The following DPP6 variants were observed in gnomAD, a reference collection of about 807,000 sequenced individuals.
DPP6 encodes the protein dipeptidyl peptidase like 6.
A neutral mutation model predicts 122.6 loss-of-function variants in DPP6; 69 were observed. The ratio of observed to expected loss-of-function variants is 0.56; its 90% CI spans 0.46 to 0.69. The LOEUF is 0.69. DPP6 is among the 30% of genes least tolerant of loss of function. The pLI is 0.00. For missense variants in DPP6, 928 were observed against 1,116.9 expected (o/e 0.83, Z 2.41); for synonymous variants, 418 against 433.1 (o/e 0.97, Z 0.43).
intron 1 of DPP6, among the ~76,000 whole-genome samples, chr7:154,127,640 CACACACACACAG>C (rs879387777): frequency 0.014 from 1,479 of 106,764 alleles, 18 homozygotes; most frequent in Admixed American, 0.019. Flanking sequence ...CACAGACACA[CACACACACACAG>C]ACACACACAC....
At chr7:153,925,553 G>A (rs946554498) in intron 1 of DPP6, among the ~76,000 whole-genome samples, 1 of 152,030 alleles carries the variant, frequency 6.6e-6, no homozygotes. Flanking sequence ...TTCTGATGAG[G>A]GGAGACCACT....
At chr7:154,386,385 CAGG>C (rs1814116557) in intron 1 of DPP6, among the ~76,000 whole-genome samples, 3 of 151,782 alleles carry the variant, frequency 2.0e-5, no homozygotes, top group Admixed American at 1.3e-4. Context: ...AAAAGATTTG[CAGG>C]AGGAGACTGA....
intron 1 of DPP6, among the ~76,000 whole-genome samples, chr7:153,937,437 CT>C (rs201001951): frequency 8.9e-4 from 103 of 115,426 alleles, no homozygotes; most frequent in African/African-American, 3.2e-3. Context: ...TCAGAGCTAA[CT>C]TTTTTTTTTT....
At chr7:154,011,322 G>A (rs150284505) in intron 1 of DPP6, among the ~76,000 whole-genome samples, 2,403 of 152,270 alleles carry the variant, frequency 0.016, 62 homozygotes, top group African/African-American at 0.053. Context: ...ATGCTAATGA[G>A]AATCTGTCCT....
At chr7:154,017,715 AAAATAAAAAAAT>A (rs2129050858) in intron 1 of DPP6, among the ~76,000 whole-genome samples, 1 of 121,180 alleles carries the variant, frequency 8.3e-6, no homozygotes, top group African/African-American at 4.0e-5. Context: ...AAATAAAAAA[AAAATAAAAAAAT>A]AAAAAAAAAA....
chr7:153,870,331 T>C, the DPP6 span, among the ~76,000 whole-genome samples: 1 of 152,232 alleles, frequency 6.6e-6, no homozygotes, highest in Non-Finnish European at 1.5e-5. Flanking sequence ...CCCATATTTC[T>C]TGGAGGACTT....
At chr7:154,862,954 C>T (rs913109711) in intron 17 of DPP6, among the ~76,000 whole-genome samples, 2 of 152,234 alleles carry the variant, frequency 1.3e-5, no homozygotes, top group African/African-American at 4.8e-5. Context: ...TGTAATCCCA[C>T]GAAGGTGGGA....
chr7:154,470,893 C>T (rs2151337283), intron 2 of DPP6, among the ~76,000 whole-genome samples: 1 of 152,254 alleles, frequency 6.6e-6, no homozygotes, highest in Non-Finnish European at 1.5e-5. Flanking sequence ...GAAGATTGAG[C>T]ACAGAAATGT....
intron 1 of DPP6, among the ~76,000 whole-genome samples, chr7:154,016,047 C>T (rs1000776003): frequency 6.6e-5 from 10 of 152,206 alleles, no homozygotes; most frequent in African/African-American, 2.2e-4. Flanking sequence ...GAATATATCA[C>T]ATTCCTTCTG....
At chr7:153,782,240 C>G in the DPP6 span, among the ~76,000 whole-genome samples, 1 of 152,054 alleles carries the variant, frequency 6.6e-6, no homozygotes, top group Middle Eastern at 3.4e-3. Flanking sequence ...CCTTGACAAT[C>G]CCAATGTTAT....
intron 1 of DPP6, among the ~76,000 whole-genome samples, chr7:154,014,095 G>A (rs570849502): frequency 2.2e-3 from 328 of 151,944 alleles, no homozygotes; most frequent in African/African-American, 7.8e-3. Context: ...GGGTCCTTTT[G>A]ACTGAAGCTG....
At chr7:153,997,748 C>T (rs921274103) in intron 1 of DPP6, among the ~76,000 whole-genome samples, 12 of 147,878 alleles carry the variant, frequency 8.1e-5, no homozygotes, top group East Asian at 5.8e-4. Flanking sequence ...AGCTCCTAGA[C>T]GTCTACTACA....
intron 1 of DPP6, among the ~76,000 whole-genome samples, chr7:154,378,242 C>T (rs1235443279): frequency 6.6e-6 from 1 of 152,148 alleles, no homozygotes; most frequent in African/African-American, 2.4e-5. Context: ...TTTGCTGTCT[C>T]CATATCTTAC....
intron 1 of DPP6, among the ~76,000 whole-genome samples, chr7:153,905,224 T>C (rs1023602953): frequency 9.2e-5 from 14 of 152,198 alleles, no homozygotes; most frequent in African/African-American, 3.4e-4. Flanking sequence ...GTAGTAGTTT[T>C]AGGTTTTATG....
chr7:154,195,636 C>T (rs1177597340), intron 1 of DPP6, among the ~76,000 whole-genome samples: 1 of 152,214 alleles, frequency 6.6e-6, no homozygotes, highest in Non-Finnish European at 1.5e-5. Flanking sequence ...GGAGGGACCA[C>T]ATGACCTCCA....
rs186157799 is a variant in DPP6 at position 154,772,465 on chromosome 7, G to A, written c.1039-380G>A. Among the ~76,000 whole-genome samples, 194 of 152,092 alleles carry A rather than the reference G, an allele frequency of 1.3e-3. 2 individuals are homozygous for A. Among genetic ancestry groups the A allele is most frequent in the Admixed American group, 3.9e-3 (59 of 15,270 alleles). On this transcript the variant is annotated intron_variant, in intron 9 of 25. Coordinates refer to ENST00000377770, the MANE Select transcript of DPP6 (RefSeq NM_130797.4). ...TCTCCCCATGCTGAGCATGGCCACC[G>A]CTCCTCAATGTCCATCATTTGCTCA... is the stretch of plus-strand genomic sequence containing the variant.
intron 1 of DPP6, among the ~76,000 whole-genome samples, chr7:154,333,795 T>C (rs1002256072): frequency 2.6e-5 from 4 of 152,232 alleles, no homozygotes; most frequent in African/African-American, 9.6e-5. Flanking sequence ...TCTGACTTTA[T>C]GTAATTTTAA....
At chr7:153,923,484 C>T (rs868771278) in intron 1 of DPP6, among the ~76,000 whole-genome samples, 2 of 151,966 alleles carry the variant, frequency 1.3e-5, no homozygotes, top group African/African-American at 2.4e-5. Flanking sequence ...CATCTTGGCC[C>T]GGCGTGGTGG....
At chr7:154,293,627 C>T (rs776291978) in intron 1 of DPP6, among the ~76,000 whole-genome samples, 4 of 152,144 alleles carry the variant, frequency 2.6e-5, no homozygotes, top group Non-Finnish European at 2.9e-5. Flanking sequence ...TCTCCCAGGG[C>T]GACATACATA....
Sources: gnomAD v4.1 joint callset for allele counts (sites outside exome capture counted in the v4.1 genomes callset) on GRCh38, gnomAD v4.1.1 for gene constraint, MANE v1.5 for transcripts, NCBI Gene and HGNC (gene_info 2026-07-23, HGNC 2026-07-21) for gene names.